NRXN1: variants seen among roughly 807,000 people sequenced by gnomAD.
The protein encoded by NRXN1 is neurexin 1, also known as neurexin-1.
NRXN1 carries 39 observed loss-of-function variants against 150.9 expected under a neutral mutation model. The ratio of observed to expected loss-of-function variants is 0.26; its 90% confidence interval spans 0.20 to 0.34. The LOEUF (loss-of-function observed/expected upper bound fraction) is 0.34, where lower values mean the gene tolerates loss of function less well. Among genes scored for constraint, NRXN1 ranks in the 10% least tolerant of loss-of-function variants. The probability of loss-of-function intolerance (pLI) is 1.00; values close to 1 mark genes in which losing one functional copy is unlikely to be tolerated. For synonymous variants in NRXN1, 924 were observed against 757.0 expected (o/e 1.22, Z -3.62); for missense variants, 1,815 against 1,949.9 (o/e 0.93, Z 1.30).
At chr2:50,373,657 A>G (rs796110291) in intron 17 of NRXN1, among the ~76,000 whole-genome samples, 5 of 98,814 alleles carry the variant, frequency 5.1e-5, no homozygotes, top group East Asian at 9.2e-4. Flanking sequence ...AAAGAAAGAA[A>G]GAAAGAAAGA....
At chr2:50,058,485 T>C (rs1693981431) in intron 19 of NRXN1, among the ~76,000 whole-genome samples, 2 of 152,226 alleles carry the variant, frequency 1.3e-5, no homozygotes. Flanking sequence ...ATGGTGCTTA[T>C]TCAATTCAAT....
At chr2:50,156,293 G>A (rs2059018171) in intron 18 of NRXN1, among the ~76,000 whole-genome samples, 1 of 151,782 alleles carries the variant, frequency 6.6e-6, no homozygotes, top group African/African-American at 2.4e-5. Context: ...CTTTTTAGAG[G>A]CCCCATTAAA....
At chr2:50,838,957 G>A (rs1672481179) in intron 5 of NRXN1, among the ~76,000 whole-genome samples, 1 of 152,082 alleles carries the variant, frequency 6.6e-6, no homozygotes, top group African/African-American at 2.4e-5. Context: ...GGTGAAAAAA[G>A]GTGAAATCTT....
At chr2:50,433,377 T>C (rs1016761334) in intron 17 of NRXN1, among the ~76,000 whole-genome samples, 1 of 152,240 alleles carries the variant, frequency 6.6e-6, no homozygotes, top group Non-Finnish European at 1.5e-5. Flanking sequence ...CACAAACTTA[T>C]ATTGCATGTA....
At chr2:50,815,039 T>C (rs1392645023) in intron 5 of NRXN1, among the ~76,000 whole-genome samples, 1 of 152,176 alleles carries the variant, frequency 6.6e-6, no homozygotes, top group Non-Finnish European at 1.5e-5. Flanking sequence ...CTTAGAATTA[T>C]GTTGCAATCA....
intron 19 of NRXN1, among the ~76,000 whole-genome samples, chr2:50,068,598 A>T (rs1025515376): frequency 1.3e-5 from 2 of 152,210 alleles, no homozygotes; most frequent in African/African-American, 4.8e-5. Flanking sequence ...TCTGTAAAAC[A>T]GATATTTGTA....
At chr2:50,101,485 C>G (rs945206784) in intron 18 of NRXN1, among the ~76,000 whole-genome samples, 16 of 152,140 alleles carry the variant, frequency 1.1e-4, no homozygotes, top group African/African-American at 3.6e-4. Context: ...CAATCTAACT[C>G]TAATGTTCCA....
At chr2:50,062,310 G>T (rs1441341736) in intron 19 of NRXN1, among the ~76,000 whole-genome samples, 1 of 151,854 alleles carries the variant, frequency 6.6e-6, no homozygotes, top group East Asian at 2.0e-4. Flanking sequence ...TATAAAAGAG[G>T]CTCCAGAAAA....
intron 2 of NRXN1, among the ~76,000 whole-genome samples, chr2:51,005,767 G>C (rs1394340521): frequency 1.3e-5 from 2 of 151,858 alleles, no homozygotes; most frequent in Non-Finnish European, 2.9e-5. Context: ...TAAAATTACA[G>C]GAATAAATCT....
At chr2:50,681,804 AATGTTTATACAAATTTGACTTAT>A (rs1024552742) in intron 5 of NRXN1, among the ~76,000 whole-genome samples, 2 of 152,198 alleles carry the variant, frequency 1.3e-5, no homozygotes, top group African/African-American at 4.8e-5. Context: ...TTAAATCAAT[AATGTTTATACAAATTTGACTTAT>A]TAGATACAGT....
chr2:50,321,691 A>G (rs1387009916), intron 17 of NRXN1, among the ~76,000 whole-genome samples: 1 of 152,112 alleles, frequency 6.6e-6, no homozygotes, highest in Non-Finnish European at 1.5e-5. Context: ...TAAATTGGGG[A>G]AAATGACAAA....
chr2:50,171,244 T>TGC (rs60046637), intron 18 of NRXN1, among the ~76,000 whole-genome samples: 1,698 of 151,712 alleles, frequency 0.011, 39 homozygotes, highest in African/African-American at 0.039. Context: ...CAAGTGTGTG[T>TGC]GTGTGTGTGT....
intron 17 of NRXN1, among the ~76,000 whole-genome samples, chr2:50,246,075 A>G (rs947779071): frequency 2.0e-5 from 3 of 152,058 alleles, no homozygotes; most frequent in Non-Finnish European, 4.4e-5. Flanking sequence ...TTCTATAATG[A>G]CACTTAACAG....
intron 22 of NRXN1, among the ~76,000 whole-genome samples, chr2:49,928,362 T>C (rs1462410850): frequency 2.0e-5 from 3 of 152,124 alleles, no homozygotes; most frequent in East Asian, 3.9e-4. Flanking sequence ...CTTAAAGTAA[T>C]AGATTTTAAA....
At chr2:50,572,564 T>G (rs1179320785) in intron 8 of NRXN1, among the ~76,000 whole-genome samples, 3 of 152,186 alleles carry the variant, frequency 2.0e-5, no homozygotes. Context: ...TATCATTAAT[T>G]GTTATATCAA....
At chr2:50,393,190 T>C (rs2081850547) in intron 17 of NRXN1, among the ~76,000 whole-genome samples, 1 of 151,796 alleles carries the variant, frequency 6.6e-6, no homozygotes, top group Non-Finnish European at 1.5e-5. Context: ...TAATAAAACA[T>C]ATGTATACTG....
At chr2:50,260,517 A>C (rs1385590778) in intron 17 of NRXN1, among the ~76,000 whole-genome samples, 1 of 151,650 alleles carries the variant, frequency 6.6e-6, no homozygotes, top group African/African-American at 2.4e-5. Flanking sequence ...CACACTCCTC[A>C]GAGGGAGAAA....
intron 2 of NRXN1, among the ~76,000 whole-genome samples, chr2:50,999,510 T>C (rs1198693018): frequency 5.3e-5 from 8 of 152,020 alleles, no homozygotes; most frequent in African/African-American, 1.9e-4. Context: ...ATAGTTCCTC[T>C]TTTCAGGGAA....
intron 21 of NRXN1, among the ~76,000 whole-genome samples, chr2:49,985,840 C>T (rs1016462694): frequency 2.6e-5 from 4 of 152,152 alleles, no homozygotes; most frequent in Admixed American, 1.3e-4. Context: ...AAAATATTCA[C>T]TCACTTTGGA....
Sources: allele counts gnomAD v4.1 joint callset (sites outside exome capture counted in the v4.1 genomes callset), GRCh38; gene constraint gnomAD v4.1.1; transcripts MANE v1.5; gene names NCBI Gene and HGNC (gene_info 2026-07-23, HGNC 2026-07-21).